Variants in ANKRD30A observed in about 807,000 individuals in gnomAD.
ANKRD30A encodes the protein ankyrin repeat domain-containing protein 30A.
In ANKRD30A, 170 loss-of-function variants were observed where a neutral mutation model predicts 166.3. The ratio of observed to expected loss-of-function variants is 1.02; its 90% CI spans 0.90 to 1.16. The LOEUF (loss-of-function observed/expected upper bound fraction) is 1.16. Among genes scored for constraint, ANKRD30A ranks in the 50% most tolerant of loss-of-function variants. ANKRD30A has a pLI of 0.00. For synonymous variants in ANKRD30A, 564 were observed against 508.9 expected, an observed-to-expected ratio of 1.11 and a Z score of -1.46; for missense variants, 1,630 against 1,518.0, an observed-to-expected ratio of 1.07 and a Z score of -1.23.
intron 31 of ANKRD30A, among the ~76,000 whole-genome samples, chr10:37,207,447 TTG>T (rs1842059626): frequency 6.6e-6 from 1 of 152,156 alleles, no homozygotes; most frequent in African/African-American, 2.4e-5. Context: ...AAAATTTTCC[TTG>T]TGTGTTCTTT....
chr10:37,126,002 A>G lies in ANKRD30A; in HGVS notation c.215A>G (p.Gln72Arg), dbSNP rs1399109598. The G allele has an allele frequency of 6.2e-7, 1 of 1,607,776 alleles. No individual in the cohort carries two copies. The highest frequency in any genetic ancestry group is 8.5e-7 in the Non-Finnish European group (1 of 1,177,462). The change falls in exon 1 of 36, where the codon CAG becomes CGG. Residue 72 changes from glutamine (Q) to arginine (R), a missense_variant. Gln to Arg is a conservative substitution (Grantham distance 43). Around this residue, in one of 4 missense-constraint regions of ANKRD30A, gnomAD observed 904 missense variants for 818.5 expected, o/e 1.10. Transcript: ENST00000361713. The stretch of plus-strand genomic sequence containing the variant: ...ATCAACCTTAATATACAAGACGCCC[A>G]GAAGAGGTACCAGGCCCTGCCTGAG... ...KTINLNIQDAQKRTALHWACV... is the reference protein window; with the variant it reads ...KTINLNIQDARKRTALHWACV...
intron 1 of ANKRD30A, among the ~76,000 whole-genome samples, chr10:37,127,794 A>G (rs2132501427): frequency 6.6e-6 from 1 of 151,856 alleles, no homozygotes; most frequent in East Asian, 1.9e-4. Context: ...AGTGATATTT[A>G]TAGTACTCCT....
At chr10:37,206,537 C>T (rs1842007201) in intron 31 of ANKRD30A, among the ~76,000 whole-genome samples, 1 of 152,104 alleles carries the variant, frequency 6.6e-6, no homozygotes, top group Admixed American at 6.5e-5. Context: ...TGCCTGTAAT[C>T]CCAGCACTTT....
chr10:37,166,297 T>A (rs1252772084), intron 18 of ANKRD30A, among the ~76,000 whole-genome samples: 1 of 152,222 alleles, frequency 6.6e-6, no homozygotes, highest in African/African-American at 2.4e-5. Flanking sequence ...GAACATAAGT[T>A]AGATATTTTT....
chr10:37,210,740 T>C (rs1842258467), intron 31 of ANKRD30A, among the ~76,000 whole-genome samples: 1 of 152,210 alleles, frequency 6.6e-6, no homozygotes, highest in Non-Finnish European at 1.5e-5. Context: ...TTTTTTCATA[T>C]GTTTGTTGGC....
At chr10:37,137,770 C>G (rs1195874356) in intron 6 of ANKRD30A, among the ~76,000 whole-genome samples, 1 of 152,154 alleles carries the variant, frequency 6.6e-6, no homozygotes, top group African/African-American at 2.4e-5. Context: ...AGGAGGCCTG[C>G]CTGCCTCTGT....
downstream of ANKRD30A, chr10:37,232,682 ATATATATATAT>A (rs1564604649): frequency 9.9e-4 from 8 of 8,056 alleles, no homozygotes; most frequent in Non-Finnish European, 3.9e-3. Context: ...ATATATATAT[ATATATATATAT>A]AAATAGAGAG....
At chr10:37,248,177 G>A in the ANKRD30A span, 1 of 636,198 alleles carries the variant, frequency 1.6e-6, no homozygotes, top group Non-Finnish European at 3.1e-6. Flanking sequence ...GCACTCGGGA[G>A]AGCATGCTCA....
At chr10:37,162,924 G>C in intron 17 of ANKRD30A, 76 bp downstream of exon 17, 2 of 1,530,804 alleles carry the variant, frequency 1.3e-6, no homozygotes, top group Non-Finnish European at 1.8e-6. Context: ...TGTACCCAAT[G>C]GTTTATTTTT....
chr10:37,194,381 G>A (rs184889791), intron 27 of ANKRD30A, among the ~76,000 whole-genome samples: 39 of 150,568 alleles, frequency 2.6e-4, no homozygotes, highest in Middle Eastern at 6.9e-3. Flanking sequence ...TTTTGAGCTC[G>A]ACCAGGCTGG....
chr10:37,157,617 C>A (rs948633426), intron 13 of ANKRD30A, among the ~76,000 whole-genome samples: 2 of 152,146 alleles, frequency 1.3e-5, no homozygotes, highest in African/African-American at 4.8e-5. Context: ...CAGAGATCCG[C>A]CCTCCTCAGC....
At chr10:37,151,348 C>G (rs1180347624) in intron 11 of ANKRD30A, among the ~76,000 whole-genome samples, 4 of 152,078 alleles carry the variant, frequency 2.6e-5, no homozygotes. Flanking sequence ...CGTTAGATTA[C>G]TTAAGGCAAT....
intron 18 of ANKRD30A, 49 bp downstream of exon 18, chr10:37,165,204 A>T: frequency 6.6e-7 from 1 of 1,510,408 alleles, no homozygotes; most frequent in Non-Finnish European, 9.2e-7. Flanking sequence ...CATGATATGA[A>T]AACATAAAAT....
chr10:37,153,376 T>A (rs934630322), intron 12 of ANKRD30A, among the ~76,000 whole-genome samples, 196 bp from the exon 13 acceptor site: 6 of 152,176 alleles, frequency 3.9e-5, no homozygotes, highest in African/African-American at 1.2e-4. Flanking sequence ...AATGTAAAGA[T>A]CAGCTTGATG....
intron 4 of ANKRD30A, among the ~76,000 whole-genome samples, chr10:37,132,871 G>A (rs1434556967): frequency 1.3e-5 from 2 of 152,110 alleles, no homozygotes. Flanking sequence ...GATGGCACAT[G>A]CCTGTAGTCC....
the ANKRD30A span, among the ~76,000 whole-genome samples, chr10:37,247,698 C>T: frequency 4.2e-5 from 6 of 144,028 alleles, no homozygotes; most frequent in Non-Finnish European, 9.0e-5. Context: ...GGTGAAACGC[C>T]GTCTCTACTA....
intron 29 of ANKRD30A, among the ~76,000 whole-genome samples, chr10:37,199,362 A>G (rs1377264400): frequency 2.6e-5 from 4 of 152,068 alleles, no homozygotes; most frequent in Middle Eastern, 3.2e-3. Context: ...ATACTACCAA[A>G]TAAAAATTTA....
At chr10:37,189,753 T>C (rs1840376125) in intron 25 of ANKRD30A, among the ~76,000 whole-genome samples, 196 bp downstream of exon 25, 1 of 150,062 alleles carries the variant, frequency 6.7e-6, no homozygotes. Flanking sequence ...GAAGAGGAGC[T>C]GAATTACTAG....
intron 13 of ANKRD30A, among the ~76,000 whole-genome samples, chr10:37,155,446 A>G (rs1247349335): frequency 6.6e-6 from 1 of 152,184 alleles, no homozygotes; most frequent in Non-Finnish European, 1.5e-5. Context: ...TGAGATGTCA[A>G]TTCTACATTT....
Sources: gnomAD v4.1 joint callset for allele counts (sites outside exome capture counted in the v4.1 genomes callset) on GRCh38, gnomAD v4.1.1 for gene constraint, gnomAD v4.1.1 regional missense constraint, MANE v1.5 for transcripts, NCBI Gene and HGNC (gene_info 2026-07-23, HGNC 2026-07-21) for gene names.